Variants in FAM135B observed in about 807,000 individuals in gnomAD.
FAM135B encodes the protein protein FAM135B.
A neutral mutation model predicts 127.7 loss-of-function variants in FAM135B; 43 were observed. That is an observed-to-expected ratio of 0.34 (90% CI 0.26 to 0.43). The LOEUF is 0.43. FAM135B is among the 20% of genes least tolerant of loss of function. The probability of loss-of-function intolerance (pLI) is 1.00; values close to 1 mark genes in which losing one functional copy is unlikely to be tolerated. For synonymous variants in FAM135B, 670 were observed against 665.1 expected, an observed-to-expected ratio of 1.01 and a Z score of -0.11; for missense variants, 1,558 against 1,725.6, an observed-to-expected ratio of 0.90 and a Z score of 1.72.
At chr8:138,358,630 T>C (rs1056273315) in intron 2 of FAM135B, 2 of 152,208 alleles carry the variant, frequency 1.3e-5, no homozygotes, top group African/African-American at 4.8e-5. Flanking sequence ...CTGCTAATAA[T>C]AGAATAAATG....
intron 9 of FAM135B, among the ~76,000 whole-genome samples, chr8:138,189,432 G>A (rs1412791035): frequency 2.6e-5 from 4 of 152,228 alleles, no homozygotes; most frequent in Non-Finnish European, 4.4e-5. Flanking sequence ...GGATGCAAAA[G>A]GCTGTTTTAC....
upstream of FAM135B, among the ~76,000 whole-genome samples, chr8:138,497,371 C>A (rs1161011570): frequency 6.6e-6 from 1 of 150,992 alleles, no homozygotes; most frequent in African/African-American, 2.4e-5. Flanking sequence ...GCTCGGCCGC[C>A]CGGGTGCCCA....
chr8:138,444,785 A>G (rs1429416934), intron 1 of FAM135B, among the ~76,000 whole-genome samples: 1 of 152,358 alleles, frequency 6.6e-6, no homozygotes. Flanking sequence ...AGCAGAAGGC[A>G]AGAAATAACT....
rs952006504 is a variant in FAM135B at position 138,205,486 on chromosome 8, T to C, written c.670-7817A>G. On this transcript the variant is annotated intron_variant, in intron 7 of 19. Transcript: ENST00000395297. ...AGGTTTAAAAAGGAAACCAGCTTCA[T>C]CAATTACAAAGAAAAGCAAAGCCTC... Among the ~76,000 whole-genome samples, 236 of 152,316 alleles carry C rather than the reference T, an allele frequency of 1.5e-3. 4 individuals carry two copies. The highest frequency in any genetic ancestry group is 5.4e-3 in the African/African-American group (226 of 41,556).
At chr8:138,462,489 CCA>C (rs2131621054) in intron 1 of FAM135B, among the ~76,000 whole-genome samples, 1 of 152,222 alleles carries the variant, frequency 6.6e-6, no homozygotes, top group Non-Finnish European at 1.5e-5. Context: ...AGAAAGAACT[CCA>C]GAGCTGTGGG....
chr8:138,418,004 C>A (rs948000277), intron 1 of FAM135B, among the ~76,000 whole-genome samples: 1 of 151,952 alleles, frequency 6.6e-6, no homozygotes, highest in Non-Finnish European at 1.5e-5. Context: ...TGATTATCAT[C>A]AAGTTTCAGG....
intron 3 of FAM135B, among the ~76,000 whole-genome samples, chr8:138,269,338 A>T (rs1012155268): frequency 6.6e-6 from 1 of 152,192 alleles, no homozygotes. Context: ...TGCTCAAACC[A>T]ACAGCACCCT....
At chr8:138,413,638 CTA>C (rs967034390) in intron 1 of FAM135B, among the ~76,000 whole-genome samples, 1 of 152,190 alleles carries the variant, frequency 6.6e-6, no homozygotes, top group Admixed American at 6.5e-5. Flanking sequence ...AGAAGAATGA[CTA>C]AAACCAATTT....
chr8:138,490,414 C>A (rs1024139058), intron 1 of FAM135B, among the ~76,000 whole-genome samples: 7 of 152,212 alleles, frequency 4.6e-5, no homozygotes, highest in African/African-American at 1.7e-4. Flanking sequence ...CTGCAGGGCC[C>A]ATCAGGAAAG....
chr8:138,290,207 G>A (rs902286064), intron 3 of FAM135B, among the ~76,000 whole-genome samples: 1 of 152,162 alleles, frequency 6.6e-6, no homozygotes, highest in African/African-American at 2.4e-5. Context: ...GGAAGGCAGA[G>A]CTAAGGAAGT....
At chr8:138,348,127 C>CT (rs58289442) in intron 2 of FAM135B, among the ~76,000 whole-genome samples, 724 of 52,838 alleles carry the variant, frequency 0.014, 60 homozygotes, top group African/African-American at 0.051. Context: ...TTTTCCTCCT[C>CT]TTTTTTTTTT....
chr8:138,138,779 T>C (rs897678693), intron 18 of FAM135B, among the ~76,000 whole-genome samples: 2 of 152,214 alleles, frequency 1.3e-5, no homozygotes, highest in Non-Finnish European at 2.9e-5. Context: ...TGGCTCAATC[T>C]CTCACGTGCC....
chr8:138,325,604 T>C (rs145252300), intron 2 of FAM135B, among the ~76,000 whole-genome samples: 202 of 152,332 alleles, frequency 1.3e-3, no homozygotes, highest in African/African-American at 4.5e-3. Flanking sequence ...TGAATAAAGC[T>C]AGCTAATTAA....
At chr8:138,463,391 G>A (rs1837231127) in intron 1 of FAM135B, among the ~76,000 whole-genome samples, 1 of 152,176 alleles carries the variant, frequency 6.6e-6, no homozygotes, top group Admixed American at 6.5e-5. Context: ...AGAAGGGTGG[G>A]AGAGAATTGT....
rs1474921073 is a variant in FAM135B at position 138,356,275 on chromosome 8, AG to A, written c.77+11631del. Among the ~76,000 whole-genome samples the A allele has an allele frequency of 2.6e-4, 3 of 11,494 alleles. No individual in the cohort carries two copies. The East Asian group carries it at 0.014, about 54-fold the overall frequency. 7.5% of individuals were successfully genotyped at this position (11,494 alleles called of 152,430 possible). A position where few individuals can be genotyped will look rare whatever the true frequency, so the allele number is the denominator to read the frequency against. Reference sequence around the variant, plus strand: ...GAGACAGAAAGGGAAAGAGAGAGAGAGAGAGAGAAAGAGAGAGCCAGCGAGT... The same window carrying A: ...GAGACAGAAAGGGAAAGAGAGAGAGAAGAGAGAAAGAGAGAGCCAGCGAGT... On this transcript the variant is annotated intron_variant, in intron 2 of 19. Transcript: ENST00000395297.
At chr8:138,468,102 G>A (rs897447914) in intron 1 of FAM135B, among the ~76,000 whole-genome samples, 1 of 152,052 alleles carries the variant, frequency 6.6e-6, no homozygotes, top group Admixed American at 6.6e-5. Flanking sequence ...AGGAACTATG[G>A]GTATTCATCA....
At chr8:138,382,578 G>C (rs1265299171) in intron 1 of FAM135B, among the ~76,000 whole-genome samples, 1 of 152,142 alleles carries the variant, frequency 6.6e-6, no homozygotes, top group Non-Finnish European at 1.5e-5. Flanking sequence ...CCCTGCTTTT[G>C]TGTGGTGCCT....
At chr8:138,366,615 C>G (rs340706) in intron 2 of FAM135B, among the ~76,000 whole-genome samples, 74,816 of 151,924 alleles carry the variant, frequency 0.49, 20,634 homozygotes, top group Non-Finnish European at 0.64. Context: ...GCCTGGAGTT[C>G]AGGTCACCTG....
chr8:138,427,750 G>C (rs1834977898), intron 1 of FAM135B, among the ~76,000 whole-genome samples: 1 of 152,094 alleles, frequency 6.6e-6, no homozygotes, highest in African/African-American at 2.4e-5. Flanking sequence ...ACAATATATT[G>C]TATATTGCTG....
Sources: gnomAD v4.1 joint callset for allele counts (sites outside exome capture counted in the v4.1 genomes callset) on GRCh38, gnomAD v4.1.1 for gene constraint, MANE v1.5 for transcripts, NCBI Gene and HGNC (gene_info 2026-07-23, HGNC 2026-07-21) for gene names.